Variants in TBC1D17 observed in about 807,000 individuals in gnomAD.
The protein encoded by TBC1D17 is TBC1 domain family member 17.
TBC1D17 carries 69 observed loss-of-function variants against 78.8 expected under a neutral mutation model. The ratio of observed to expected loss-of-function variants is 0.88; its 90% confidence interval spans 0.72 to 1.07. The LOEUF (loss-of-function observed/expected upper bound fraction) is 1.07, where lower values mean the gene tolerates loss of function less well. Ranked by LOEUF, TBC1D17 falls within the 50% of genes least tolerant of loss-of-function variation. The pLI, the probability that TBC1D17 is intolerant of heterozygous loss-of-function variation, is 0.00. For synonymous variants in TBC1D17, 456 were observed against 358.3 expected (o/e 1.27, Z -3.08); for missense variants, 957 against 861.0 (o/e 1.11, Z -1.39).
At chr19:49,886,002 C>T (rs984750320) in intron 13 of TBC1D17, among the ~76,000 whole-genome samples, 5 of 128,450 alleles carry the variant, frequency 3.9e-5, no homozygotes, top group Non-Finnish European at 6.4e-5. Flanking sequence ...AAAAAAAGGT[C>T]GGGTGTGGTG....
rs1190208119 is a variant in TBC1D17, at chr19:49,883,027, A to G, written c.982A>G (p.Ser328Gly). The G allele has an allele frequency of 6.2e-7, 1 of 1,611,486 alleles. No homozygotes were observed. The highest frequency in any genetic ancestry group is 1.7e-5 in the Admixed American group (1 of 59,954). The change falls in exon 9 of 17, where the codon AGC becomes GGC. Residue 328 changes from serine to glycine, a missense_variant. By Grantham distance (56) the Ser-to-Gly change is moderately conservative (BLOSUM62 0). Transcript: ENST00000221543. Reference sequence around the variant, plus strand: ...CTGGAAGTTCCTCCTAGGGTACCTCAGCTGGGAAGGCACAGCTGAGGAGCA... The same window carrying G: ...CTGGAAGTTCCTCCTAGGGTACCTCGGCTGGGAAGGCACAGCTGAGGAGCA... ...EAWKFLLGYL[S>G]WEGTAEEHKA...
chr19:49,877,804 C>G, intron 1 of TBC1D17, 60 bp downstream of exon 1: 1 of 1,538,012 alleles, frequency 6.5e-7, no homozygotes. Context: ...GTCTAGTGAT[C>G]AGCTCTTCTC....
chr19:49,884,964 GTCC>G (rs1003521732), intron 13 of TBC1D17, among the ~76,000 whole-genome samples: 9 of 152,170 alleles, frequency 5.9e-5, no homozygotes, highest in African/African-American at 1.9e-4. Flanking sequence ...GACTCACCCC[GTCC>G]TCATGCTCAC....
At chr19:49,883,540 TG>T in intron 9 of TBC1D17, 110 bp from the exon 10 acceptor site, 3 of 821,304 alleles carry the variant, frequency 3.7e-6, no homozygotes, top group Non-Finnish European at 6.1e-6. Flanking sequence ...TGGGTCTGTG[TG>T]GTCAGGGAGG....
chr19:49,884,199 G>A, intron 10 of TBC1D17, 54 bp from the exon 11 acceptor site: 2 of 1,536,756 alleles, frequency 1.3e-6, no homozygotes, highest in Non-Finnish European at 1.8e-6. Flanking sequence ...GTGGCCAGCA[G>A]GGATGGGCCC....
rs778264972 is a variant in TBC1D17, at chr19:49,884,641, C to G, written c.1345-18C>G. The G allele has an allele frequency of 6.1e-5, 98 of 1,613,950 alleles. No individual in the cohort carries two copies. Among genetic ancestry groups the G allele is most frequent in the Non-Finnish European group, 8.1e-5 (95 of 1,179,920 alleles). On this transcript the variant is annotated intron_variant, in intron 12 of 16. Transcript: ENST00000221543. ...ACCTCACGGGGTCTGCTCTTTCCCC[C>G]CTCCTTCCGTCCCACAGCAAGGGAA...
rs61741174 is a variant in TBC1D17 at position 49,882,996 on chromosome 19, C to T, written c.951C>T (p.Arg317=). The T allele has an allele frequency of 1.8e-3, 2,962 of 1,610,482 alleles. 50 individuals carry two copies. The African/African-American group carries it at 0.035, about 19-fold the overall frequency. The change falls in exon 9 of 17, where the codon CGC becomes CGT. Residue 317 remains arginine (R), a synonymous_variant. Transcript: ENST00000221543. ...FSGGLSPSLR[R]EAWKFLLGYL... ...AGGGTCTGAGCCCCAGCCTGCGGCG[C>T]GAGGCCTGGAAGTTCCTCCTAGGGT...
rs2074967331 is a variant in TBC1D17 at position 49,877,739 on chromosome 19, T to C, written c.16T>C (p.Tyr6His). 1 of 1,597,412 alleles carries C rather than the reference T, an allele frequency of 6.3e-7. No individual in the cohort carries two copies. Among genetic ancestry groups the C allele is most frequent in the Non-Finnish European group, 8.5e-7 (1 of 1,173,118 alleles). Residue 6 changes from tyrosine to histidine, a missense_variant, in exon 1 of 17, where the codon TAC becomes CAC. By Grantham distance (83) the Tyr-to-His change is moderately conservative (BLOSUM62 2). Transcript: ENST00000221543. ...GGCGGCGACTATGGAAGGAGCCGGC[T>C]ACAGGGTAAGCACTGAGGACGCATT... MEGAG[Y>H]RVVFEKGGVY... is the part of the protein sequence containing the mutation.
rs762217778 is a variant in TBC1D17 at position 49,880,392 on chromosome 19, G to A, written c.309G>A (p.Glu103=). The change falls in exon 4 of 17, where the codon GAG becomes GAA. Residue 103 remains glutamate (E), a synonymous_variant. Coordinates refer to ENST00000221543, the MANE Select transcript of TBC1D17 (RefSeq NM_024682.3). ...TGCGGCCACAGCTCTGCCACTCAGAGCCCACGAGAGGTAGGCTGAGGTGGC... is the reference window on the plus strand; with the variant it reads ...TGCGGCCACAGCTCTGCCACTCAGAACCCACGAGAGGTAGGCTGAGGTGGC... ...STVRPQLCHS[E]PTRGAEPSCP... 5 of 1,613,736 alleles carry A rather than the reference G, an allele frequency of 3.1e-6. No individual in the cohort carries two copies. The highest frequency in any genetic ancestry group is 4.2e-6 in the Non-Finnish European group (5 of 1,179,846).
intron 4 of TBC1D17, 140 bp downstream of exon 4, chr19:49,880,542 G>A: frequency 8.6e-7 from 1 of 1,162,974 alleles, no homozygotes. Context: ...CCAGGAGCAT[G>A]GAAGTGAATG....
At chr19:49,886,797 A>C (rs79613141) in intron 13 of TBC1D17, 9,813 of 150,416 alleles carry the variant, frequency 0.065, 331 homozygotes, top group South Asian at 0.098. Flanking sequence ...CACCAGCTTA[A>C]TTTTTTTTTT....
At position 49,878,158 on chromosome 19, in the gene TBC1D17, G is replaced by C; in HGVS notation, c.37G>C (p.Gly13Arg). The C allele has an allele frequency of 6.3e-7, 1 of 1,578,430 alleles. No homozygotes were observed. Among genetic ancestry groups the C allele is most frequent in the African/African-American group, 1.4e-5 (1 of 73,902 alleles). ...CCCAACTCAGGTGGTGTTTGAGAAGGGCGGAGTGTACCTGCACACCAGCGC... is the reference window on the plus strand; with the variant it reads ...CCCAACTCAGGTGGTGTTTGAGAAGCGCGGAGTGTACCTGCACACCAGCGC... ...GAGYRVVFEK[G>R]GVYLHTSAKK... Residue 13 changes from glycine to arginine, a missense_variant, in exon 2 of 17, where the codon GGC becomes CGC. By Grantham distance (125) the Gly-to-Arg change is moderately radical (BLOSUM62 -2). Coordinates refer to ENST00000221543, the MANE Select transcript of TBC1D17 (RefSeq NM_024682.3).
intron 7 of TBC1D17, 120 bp downstream of exon 7, chr19:49,882,520 A>G (rs1355337066): frequency 2.8e-6 from 4 of 1,451,076 alleles, no homozygotes; most frequent in Admixed American, 2.3e-5. Flanking sequence ...GGACACCCTC[A>G]GGGGGTGCAT....
chr19:49,884,609 T>C, intron 12 of TBC1D17, 50 bp downstream of exon 12: 1 of 1,613,594 alleles, frequency 6.2e-7, no homozygotes. Context: ...CGATCAGGTG[T>C]CCTGGTACCT....
In TBC1D17 at chr19:49,888,255, C is replaced by T. The variant is rs1020623230; in HGVS notation, c.1684C>T (p.Leu562=). 2.5e-6 allele frequency: 4 copies of T among 1,592,724 alleles called. No homozygotes were observed. Among genetic ancestry groups the T allele is most frequent in the Non-Finnish European group, 1.7e-6 (2 of 1,170,368 alleles). Reference sequence around the variant, plus strand: ...GCACATCAACGAGCTGACTATGAAGCTGAGCGTGGAGGACGTGCTGACCCG... The same window carrying T: ...GCACATCAACGAGCTGACTATGAAGTTGAGCGTGGAGGACGTGCTGACCCG... ...LKHINELTMK[L]SVEDVLTRAE... is the part of the protein sequence containing the mutation. The change falls in exon 16 of 17, where the codon CTG becomes TTG. Residue 562 remains leucine (L), a synonymous_variant. Transcript: ENST00000221543.
chr19:49,878,339 C>T (rs1478362948), intron 2 of TBC1D17, 98 bp downstream of exon 2: 27 of 1,275,072 alleles, frequency 2.1e-5, no homozygotes, highest in Non-Finnish European at 3.0e-5. Context: ...TGGCGGTCAG[C>T]AGTGGGACCT....
chr19:49,882,631 A>G, intron 7 of TBC1D17, 133 bp from the exon 8 acceptor site: 1 of 1,407,054 alleles, frequency 7.1e-7, no homozygotes. Flanking sequence ...TGAGCCCCGG[A>G]AGAGGCTGCT....
At chr19:49,880,190 T>C (rs1020335166) in intron 3 of TBC1D17, 89 bp from the exon 4 acceptor site, 37 of 1,528,440 alleles carry the variant, frequency 2.4e-5, no homozygotes, top group Non-Finnish European at 3.1e-5. Flanking sequence ...AGTTTCCCTC[T>C]TTATTCAATG....
At position 49,887,715 on chromosome 19, in the gene TBC1D17, C is replaced by CAG. The variant is rs1568678937; in HGVS notation, c.1543-2_1543-1dup. 1 of 1,613,594 alleles carries CAG rather than the reference C, an allele frequency of 6.2e-7. No homozygotes were observed. Among genetic ancestry groups the CAG allele is most frequent in the Admixed American group, 1.7e-5 (1 of 60,020 alleles). ...CCTCCCTCCCTCTGTCCCGCACCCT[C>CAG]AGGTGCTGTGGACAGGGCTCCCTGG... On this transcript the variant is annotated splice_region_variant and splice_polypyrimidine_tract_variant and intron_variant, in intron 14 of 16. Coordinates refer to ENST00000221543, the MANE Select transcript of TBC1D17 (RefSeq NM_024682.3).
Sources: allele counts gnomAD v4.1 joint callset (sites outside exome capture counted in the v4.1 genomes callset), GRCh38; gene constraint gnomAD v4.1.1; transcripts MANE v1.5; gene names NCBI Gene and HGNC (gene_info 2026-07-23, HGNC 2026-07-21).